CLYBL: variants seen among roughly 807,000 people sequenced by gnomAD.
CLYBL encodes the protein citramalyl-CoA lyase, also known as citramalyl-CoA lyase, mitochondrial.
CLYBL carries 31 observed loss-of-function variants against 38.9 expected under a neutral mutation model. The observed-to-expected ratio is 0.80, with a 90% CI of 0.60 to 1.08. The LOEUF (loss-of-function observed/expected upper bound fraction) is 1.08, where lower values mean the gene tolerates loss of function less well. CLYBL is among the 50% of genes least tolerant of loss of function. The pLI is 0.00. For synonymous variants in CLYBL, 171 were observed against 158.6 expected (o/e 1.08, Z -0.59); for missense variants, 434 against 411.6 (o/e 1.05, Z -0.47).
chr13:99,652,720 G>A (rs568566951), intron 1 of CLYBL, among the ~76,000 whole-genome samples: 1 of 152,228 alleles, frequency 6.6e-6, no homozygotes, highest in Non-Finnish European at 1.5e-5. Context: ...AAGTGGTGTC[G>A]TGGCCTCTTT....
At chr13:99,770,467 G>A (rs753498693) in intron 1 of CLYBL, among the ~76,000 whole-genome samples, 1 of 152,064 alleles carries the variant, frequency 6.6e-6, no homozygotes. Flanking sequence ...ACAGGCGCCC[G>A]CCACCACGCC....
At chr13:99,749,913 G>T (rs1388329978) in intron 1 of CLYBL, among the ~76,000 whole-genome samples, 4 of 152,218 alleles carry the variant, frequency 2.6e-5, no homozygotes, top group Admixed American at 2.6e-4. Flanking sequence ...TTAGCAAAGT[G>T]AGAACATAAG....
intron 1 of CLYBL, among the ~76,000 whole-genome samples, chr13:99,609,231 C>A (rs1256057557): frequency 8.6e-6 from 1 of 115,872 alleles, no homozygotes; most frequent in East Asian, 3.0e-4. Flanking sequence ...GGCTGGAGTT[C>A]AGTGGCGCAA....
At chr13:99,801,973 A>G (rs2138945219) in intron 2 of CLYBL, among the ~76,000 whole-genome samples, 2 of 152,278 alleles carry the variant, frequency 1.3e-5, no homozygotes, top group South Asian at 4.1e-4. Context: ...CCAAGATAGC[A>G]CCATTGCACT....
intron 1 of CLYBL, among the ~76,000 whole-genome samples, chr13:99,637,053 TA>T (rs2047027963): frequency 1.3e-5 from 2 of 152,210 alleles, no homozygotes; most frequent in Non-Finnish European, 2.9e-5. Context: ...CTAATTTTTT[TA>T]TTTTTAGTAG....
At chr13:99,723,370 T>G (rs774769087) in intron 1 of CLYBL, among the ~76,000 whole-genome samples, 19 of 152,240 alleles carry the variant, frequency 1.2e-4, no homozygotes, top group Non-Finnish European at 2.8e-4. Flanking sequence ...TGCCATCACA[T>G]ACCAATGACT....
chr13:99,896,172 C>T (rs2052575886), downstream of CLYBL: 1 of 151,166 alleles, frequency 6.6e-6, no homozygotes, highest in Non-Finnish European at 1.5e-5. Context: ...GCCCGCCCGC[C>T]GCGGGCCGCC....
At chr13:99,887,149 A>G (rs1045846887) in intron 7 of CLYBL, among the ~76,000 whole-genome samples, 2 of 152,214 alleles carry the variant, frequency 1.3e-5, no homozygotes, top group Non-Finnish European at 2.9e-5. Context: ...GTGAATGTGC[A>G]TTAGAATCAC....
At chr13:99,717,440 A>T (rs1035311932) in intron 1 of CLYBL, among the ~76,000 whole-genome samples, 2 of 140,480 alleles carry the variant, frequency 1.4e-5, no homozygotes, top group African/African-American at 2.7e-5. Flanking sequence ...AAATTAGAAA[A>T]AAAAAAAAAA....
rs749872912 is a variant in CLYBL, at chr13:99,877,638, G to T, written c.927+6576G>T. 9.2e-6 allele frequency: 3 copies of T among 326,516 alleles called. 1 individual carries two copies. Among genetic ancestry groups the T allele is most frequent in the South Asian group, 4.6e-5 (2 of 43,340 alleles). 20.2% of individuals were successfully genotyped at this position (326,516 alleles called of 1,614,324 possible). On this transcript the variant is annotated intron_variant, in intron 7 of 8. Transcript: ENST00000339105. ...GCCAGCCAGGCTGGAGTGCAATGGC[G>T]TGATCTCGGCTCCCTGCAACCTCCG...
chr13:99,772,106 T>G (rs1594172449), intron 1 of CLYBL, among the ~76,000 whole-genome samples: 1 of 148,768 alleles, frequency 6.7e-6, no homozygotes. Flanking sequence ...ACTTCGTTAG[T>G]TTTTTTTTTC....
intron 1 of CLYBL, among the ~76,000 whole-genome samples, chr13:99,675,677 T>C (rs192321657): frequency 6.6e-6 from 1 of 152,388 alleles, no homozygotes; most frequent in Non-Finnish European, 1.5e-5. Flanking sequence ...TTTTCAAGCT[T>C]CATCCAAGCT....
At chr13:99,742,110 C>G (rs569251675) in intron 1 of CLYBL, among the ~76,000 whole-genome samples, 2 of 152,328 alleles carry the variant, frequency 1.3e-5, no homozygotes, top group East Asian at 3.9e-4. Flanking sequence ...TTTTCAGCTG[C>G]AATTACATTT....
chr13:99,687,796 A>C (rs2047839988), intron 1 of CLYBL, among the ~76,000 whole-genome samples: 5 of 152,214 alleles, frequency 3.3e-5, no homozygotes. Context: ...TTATGTGAGA[A>C]TATGTCTGAC....
At chr13:99,790,670 T>G (rs2049895929) in intron 2 of CLYBL, among the ~76,000 whole-genome samples, 2 of 152,180 alleles carry the variant, frequency 1.3e-5, no homozygotes, top group Admixed American at 6.5e-5. Context: ...CTTCGCATGT[T>G]CAGAAGCATC....
chr13:99,705,462 C>G (rs1446026805), intron 1 of CLYBL, among the ~76,000 whole-genome samples: 2 of 152,046 alleles, frequency 1.3e-5, no homozygotes, highest in Non-Finnish European at 2.9e-5. Context: ...TGCCTGTCAT[C>G]CCAGCTACTT....
chr13:99,907,250 A>G (rs1308515237), intron 9 of CLYBL, among the ~76,000 whole-genome samples: 1 of 152,166 alleles, frequency 6.6e-6, no homozygotes, highest in Non-Finnish European at 1.5e-5. Context: ...AGATCCTAAC[A>G]TCCCTGTGCC....
intron 1 of CLYBL, among the ~76,000 whole-genome samples, chr13:99,717,633 T>C (rs915037795): frequency 6.6e-6 from 1 of 151,770 alleles, no homozygotes; most frequent in Admixed American, 6.6e-5. Flanking sequence ...CTAATTTTTG[T>C]ATTTTTTGTA....
chr13:99,750,203 GC>G (rs151246147), intron 1 of CLYBL, among the ~76,000 whole-genome samples: 6,089 of 152,248 alleles, frequency 0.04, 427 homozygotes, highest in African/African-American at 0.14. Context: ...GACCCCCTCA[GC>G]CCCCTCAAAG....
Sources: gnomAD v4.1 joint callset for allele counts (sites outside exome capture counted in the v4.1 genomes callset) on GRCh38, gnomAD v4.1.1 for gene constraint, MANE v1.5 for transcripts, NCBI Gene and HGNC (gene_info 2026-07-23, HGNC 2026-07-21) for gene names.